The following PPARG variants were observed in gnomAD, a reference collection of about 807,000 sequenced individuals.
PPARG encodes peroxisome proliferator activated receptor gamma.
PPARG carries 17 observed loss-of-function variants against 39.2 expected under a neutral mutation model. The observed-to-expected ratio is 0.43, with a 90% confidence interval of 0.30 to 0.65. The LOEUF is 0.65. Ranked by LOEUF, PPARG falls within the 30% of genes least tolerant of loss-of-function variation. The probability of loss-of-function intolerance (pLI) is 0.13; values close to 1 mark genes in which losing one functional copy is unlikely to be tolerated. For missense variants in PPARG, 406 were observed against 585.9 expected, an observed-to-expected ratio of 0.69 and a Z score of 3.17; for synonymous variants, 223 against 215.7, an observed-to-expected ratio of 1.03 and a Z score of -0.30.
chr3:12,431,433 G>T (rs1037994286), intron 7 of PPARG, among the ~76,000 whole-genome samples: 2 of 151,958 alleles, frequency 1.3e-5, no homozygotes, highest in African/African-American at 4.8e-5. Flanking sequence ...CAAATCAAAT[G>T]AATTAAGCAT....
intron 7 of PPARG, among the ~76,000 whole-genome samples, chr3:12,429,100 A>G (rs1270006492): frequency 6.6e-6 from 1 of 152,178 alleles, no homozygotes; most frequent in African/African-American, 2.4e-5. Context: ...AGGCTCAGTC[A>G]GGGGGACAAT....
At chr3:12,329,830 A>G (rs1575001183) in intron 2 of PPARG, among the ~76,000 whole-genome samples, 1 of 152,100 alleles carries the variant, frequency 6.6e-6, no homozygotes, top group African/African-American at 2.4e-5. Flanking sequence ...TCTCTGTTCT[A>G]CTTTCTGTCT....
intron 2 of PPARG, among the ~76,000 whole-genome samples, chr3:12,348,184 G>T (rs1235276437): frequency 6.6e-6 from 1 of 152,160 alleles, no homozygotes; most frequent in African/African-American, 2.4e-5. Context: ...AATATTTTAT[G>T]TAAGTCATCC....
chr3:12,352,194 G>A (rs368747692), intron 2 of PPARG, among the ~76,000 whole-genome samples: 172 of 152,338 alleles, frequency 1.1e-3, no homozygotes, highest in African/African-American at 3.9e-3. Flanking sequence ...TTCCCAGAGT[G>A]TAGGACCAAG....
chr3:12,330,513 T>TCACTTTTAAATTGATTTTCTCC (rs2047828582), intron 2 of PPARG, among the ~76,000 whole-genome samples: 2 of 152,166 alleles, frequency 1.3e-5, no homozygotes, highest in Non-Finnish European at 2.9e-5. Flanking sequence ...TATTCTTCTC[T>TCACTTTTAAATTGATTTTCTCC]CACTTTTAAA....
chr3:12,429,412 G>A (rs1052803987), intron 7 of PPARG, among the ~76,000 whole-genome samples: 1 of 152,104 alleles, frequency 6.6e-6, no homozygotes, highest in Middle Eastern at 3.2e-3. Context: ...TGACCCCAGT[G>A]GTGCTGCTCA....
intron 1 of PPARG, among the ~76,000 whole-genome samples, chr3:12,308,325 C>A (rs898979267): frequency 2.8e-5 from 3 of 108,468 alleles, no homozygotes; most frequent in African/African-American, 1.1e-4. Context: ...ACCTGGATGA[C>A]AGAGCAAGAC....
chr3:12,434,232 GAAA>G lies in PPARG; in HGVS notation c.*90_*92del. ...ATCTGACACCTAAGAAATTTACTGT[GAAA>G]AAGCATTTTAAAAAGAAAAGGTTTT... On this transcript the variant is annotated 3_prime_UTR_variant, in exon 8 of 8. Coordinates refer to ENST00000651735, the MANE Select transcript of PPARG (RefSeq NM_138711.6). The surrounding 1 kb of genome is among the most constrained non-coding windows in gnomAD (Gnocchi z 4.2). 1 of 1,542,480 alleles carries G rather than the reference GAAA, an allele frequency of 6.5e-7. No homozygotes were observed.
intron 2 of PPARG, among the ~76,000 whole-genome samples, chr3:12,375,912 G>T (rs567224089): frequency 2.0e-5 from 3 of 151,530 alleles, no homozygotes; most frequent in East Asian, 3.9e-4. Context: ...CCACAAACGC[G>T]CATTCACAGG....
intron 5 of PPARG, among the ~76,000 whole-genome samples, chr3:12,395,831 C>T (rs2050237766): frequency 6.6e-6 from 1 of 152,134 alleles, no homozygotes; most frequent in Non-Finnish European, 1.5e-5. Context: ...CTAGACACTG[C>T]CCTTAGAGGA....
intron 7 of PPARG, among the ~76,000 whole-genome samples, chr3:12,429,998 A>T (rs1302564136): frequency 1.3e-5 from 2 of 152,244 alleles, no homozygotes; most frequent in African/African-American, 4.8e-5. Context: ...TGGAGACCTG[A>T]GAGTGAAAAA....
intron 7 of PPARG, among the ~76,000 whole-genome samples, chr3:12,417,888 CTTTTTTTTTTTTCCTTTTTTTTT>C (rs2051125950): frequency 1.6e-5 from 1 of 64,066 alleles, no homozygotes; most frequent in Non-Finnish European, 2.9e-5. Flanking sequence ...TTTTTTTTTT[CTTTTTTTTTTTTCCTTTTTTTTT>C]TTTTTTTTTT....
chr3:12,363,488 T>C (rs928783148), intron 2 of PPARG, among the ~76,000 whole-genome samples: 10 of 72,480 alleles, frequency 1.4e-4, no homozygotes, highest in African/African-American at 6.3e-4. Context: ...GAGCATAGAG[T>C]GTCACATGGT....
intron 1 of PPARG, among the ~76,000 whole-genome samples, chr3:12,299,340 C>T (rs998077645): frequency 1.3e-5 from 2 of 152,082 alleles, no homozygotes; most frequent in African/African-American, 4.8e-5. Flanking sequence ...GGGCCTGTGT[C>T]TTGTAACTAG....
intron 2 of PPARG, among the ~76,000 whole-genome samples, chr3:12,374,893 A>G (rs552361301): frequency 6.6e-6 from 1 of 152,306 alleles, no homozygotes; most frequent in Admixed American, 6.5e-5. Flanking sequence ...AACAAAACGA[A>G]AACAGAAAAC....
intron 7 of PPARG, among the ~76,000 whole-genome samples, chr3:12,418,651 T>C (rs2051158542): frequency 6.6e-6 from 1 of 152,154 alleles, no homozygotes; most frequent in African/African-American, 2.4e-5. Context: ...TTCAGGGAAG[T>C]AAGGACCATT....
chr3:12,385,004 G>C (rs1319316658), intron 4 of PPARG, among the ~76,000 whole-genome samples: 1 of 152,124 alleles, frequency 6.6e-6, no homozygotes, highest in African/African-American at 2.4e-5. Flanking sequence ...CTCATTCTTT[G>C]CTACTTTGAA....
chr3:12,395,672 G>A (rs1472955160), intron 5 of PPARG, among the ~76,000 whole-genome samples: 1 of 152,274 alleles, frequency 6.6e-6, no homozygotes, highest in African/African-American at 2.4e-5. Flanking sequence ...TCAGAAATAT[G>A]TTTTTTCCTG....
At chr3:12,311,478 A>G (rs912987005) in intron 1 of PPARG, among the ~76,000 whole-genome samples, 1 of 152,264 alleles carries the variant, frequency 6.6e-6, no homozygotes, top group African/African-American at 2.4e-5. Context: ...GCTACAGTTA[A>G]CAAAATGGGA....
Sources: gnomAD v4.1 joint callset for allele counts (sites outside exome capture counted in the v4.1 genomes callset) on GRCh38, gnomAD v4.1.1 for gene constraint, Gnocchi (gnomAD v3.1) non-coding constraint, MANE v1.5 for transcripts, NCBI Gene and HGNC (gene_info 2026-07-23, HGNC 2026-07-21) for gene names.